Variants in FANCD2 observed in about 807,000 individuals in gnomAD.
The protein encoded by FANCD2 is FA complementation group D2.
FANCD2 carries 131 observed loss-of-function variants against 192.3 expected under a neutral mutation model. The ratio of observed to expected loss-of-function variants is 0.68; its 90% CI spans 0.59 to 0.79. The LOEUF is 0.79. Ranked by LOEUF, FANCD2 falls within the 30% of genes least tolerant of loss-of-function variation. The pLI, the probability that FANCD2 is intolerant of heterozygous loss-of-function variation, is 0.00. For synonymous variants in FANCD2, 524 were observed against 612.5 expected (o/e 0.86, Z 2.13); for missense variants, 1,508 against 1,701.6 (o/e 0.89, Z 2.00).
chr3:10,087,457 C>A lies in FANCD2; in HGVS notation c.3466+193C>A, dbSNP rs533880685. 7.3e-4 allele frequency among the ~76,000 whole-genome samples: 111 copies of A among 151,190 alleles called. 1 individual carries two copies. In the South Asian group the frequency reaches 0.018, roughly 25 times the overall value. ...CTGATTTCTGCTAAAATTGCTTAGTCTGAGTTTGGTTAGACAAGCTGAGTA... is the reference window on the plus strand; with the variant it reads ...CTGATTTCTGCTAAAATTGCTTAGTATGAGTTTGGTTAGACAAGCTGAGTA... On this transcript the variant is annotated intron_variant, in intron 34 of 43. Transcript: ENST00000675286.
At chr3:10,090,203 A>G in intron 36 of FANCD2, 89 bp from the exon 37 acceptor site, 1 of 893,472 alleles carries the variant, frequency 1.1e-6, no homozygotes, top group Non-Finnish European at 1.9e-6. Context: ...AGAGGTAGGG[A>G]AGGAAGCTAC....
chr3:10,081,538 T>G, intron 32 of FANCD2, 74 bp downstream of exon 32: 1 of 1,039,658 alleles, frequency 9.6e-7, no homozygotes, highest in Non-Finnish European at 1.5e-6. Flanking sequence ...GGCACTGAAA[T>G]GTAGAAAAGA....
intron 41 of FANCD2, 117 bp from the exon 42 acceptor site, chr3:10,096,209 C>G: frequency 1.0e-6 from 1 of 993,534 alleles, no homozygotes; most frequent in East Asian, 2.4e-5. Context: ...ATGGAACATA[C>G]CGTTGGCCCA....
At chr3:10,042,711 A>G in intron 11 of FANCD2, 48 bp downstream of exon 11, 1 of 1,425,168 alleles carries the variant, frequency 7.0e-7, no homozygotes, top group South Asian at 1.1e-5. Flanking sequence ...CTTAAGTGCC[A>G]ATTGCTCTTC....
intron 40 of FANCD2, 195 bp from the exon 41 acceptor site, chr3:10,095,005 G>C (rs1559408670): frequency 3.3e-6 from 2 of 612,118 alleles, no homozygotes; most frequent in Admixed American, 2.5e-5. Flanking sequence ...ATTGATACAA[G>C]GGACAGAAAT....
intron 26 of FANCD2, among the ~76,000 whole-genome samples, chr3:10,071,069 A>G (rs1279265218): frequency 2.1e-5 from 3 of 144,182 alleles, no homozygotes; most frequent in African/African-American, 2.6e-5. Context: ...TCCCTCCACT[A>G]TTGTCCTATG....
chr3:10,069,844 T>G (rs1693080956), intron 26 of FANCD2, among the ~76,000 whole-genome samples: 1 of 152,036 alleles, frequency 6.6e-6, no homozygotes, highest in Non-Finnish European at 1.5e-5. Context: ...TGCCTTGGCC[T>G]CCCAAAGTGC....
intron 32 of FANCD2, chr3:10,083,448 C>A (rs1320674087): frequency 6.6e-6 from 1 of 152,218 alleles, no homozygotes; most frequent in Non-Finnish European, 1.5e-5. Context: ...GGTGGAACAG[C>A]TGGAGCTCTC....
At chr3:10,077,328 A>C (rs1322124836) in intron 29 of FANCD2, among the ~76,000 whole-genome samples, 1 of 141,136 alleles carries the variant, frequency 7.1e-6, no homozygotes, top group African/African-American at 3.0e-5. Context: ...AGGCTGAGAC[A>C]GGCGTTATCA....
intron 29 of FANCD2, among the ~76,000 whole-genome samples, chr3:10,077,207 T>G (rs1559397055): frequency 6.6e-6 from 1 of 151,952 alleles, no homozygotes; most frequent in Non-Finnish European, 1.5e-5. Flanking sequence ...CACTCCAGCC[T>G]GAGCAACAGA....
At chr3:10,065,250 C>T (rs1201319535) in intron 23 of FANCD2, 144 bp from the exon 24 acceptor site, 4 of 692,762 alleles carry the variant, frequency 5.8e-6, no homozygotes, top group African/African-American at 3.5e-5. Context: ...GATCGTGCCA[C>T]TGCACTCCAG....
chr3:10,087,323 CACTT>C (rs1694277919), intron 34 of FANCD2, 59 bp downstream of exon 34: 1 of 1,491,058 alleles, frequency 6.7e-7, no homozygotes, highest in African/African-American at 1.5e-5. Flanking sequence ...TAATATCTCA[CACTT>C]ACAAACTTTG....
intron 18 of FANCD2, among the ~76,000 whole-genome samples, chr3:10,052,778 T>G (rs2087256860): frequency 6.6e-6 from 1 of 151,464 alleles, no homozygotes; most frequent in African/African-American, 2.4e-5. Flanking sequence ...CATGAAAAAG[T>G]GCTCATCATC....
chr3:10,045,101 T>TTTTTTTTTTTTC (rs397948524), intron 14 of FANCD2, among the ~76,000 whole-genome samples: 17 of 149,146 alleles, frequency 1.1e-4, no homozygotes, highest in African/African-American at 4.4e-4. Flanking sequence ...TTTTTTTTTT[T>TTTTTTTTTTTTC]CCTGGAAGCA....
intron 3 of FANCD2, among the ~76,000 whole-genome samples, chr3:10,033,698 C>CTTTTTTTTTTTTT (rs34115008): frequency 4.5e-5 from 4 of 89,372 alleles, no homozygotes; most frequent in South Asian, 4.6e-4. Context: ...AAAGCTAAGT[C>CTTTTTTTTTTTTT]TTTTTTTTTT....
intron 28 of FANCD2, 83 bp downstream of exon 28, chr3:10,073,445 CA>C: frequency 9.0e-7 from 1 of 1,112,616 alleles, no homozygotes; most frequent in Non-Finnish European, 1.4e-6. Flanking sequence ...CGGCATTTTA[CA>C]AAGAAAAAAA....
chr3:10,048,230 CTG>C (rs2087086828), intron 16 of FANCD2, among the ~76,000 whole-genome samples, 179 bp downstream of exon 16: 2 of 152,396 alleles, frequency 1.3e-5, no homozygotes, highest in South Asian at 2.1e-4. Context: ...GGCTCTAACT[CTG>C]TGTTCTGAGC....
At chr3:10,067,413 A>T in intron 26 of FANCD2, 96 bp downstream of exon 26, 2 of 754,678 alleles carry the variant, frequency 2.7e-6, no homozygotes, top group Admixed American at 4.2e-5. Context: ...ACAAAGACAC[A>T]TCAAAAAAAG....
rs1695304719 is a variant in FANCD2, at chr3:10,101,577, G to C, written c.*315G>C. ...ATTTTTGTATTTTTAGTAGATACGG[G>C]GTTTTACCATGTCGGCCAGATGGTC... On this transcript the variant is annotated 3_prime_UTR_variant, in exon 44 of 44. Transcript: ENST00000675286. 2.5e-6 allele frequency: 1 copy of C among 392,210 alleles called. No homozygotes were observed. The highest frequency in any genetic ancestry group is 2.6e-5 in the South Asian group (1 of 38,530). 24.3% of individuals were successfully genotyped at this position (392,210 alleles called of 1,614,324 possible). A position where few individuals can be genotyped will look rare whatever the true frequency, so the allele number is the denominator to read the frequency against.
Sources: allele counts gnomAD v4.1 joint callset (sites outside exome capture counted in the v4.1 genomes callset), GRCh38; gene constraint gnomAD v4.1.1; transcripts MANE v1.5; gene names NCBI Gene and HGNC (gene_info 2026-07-23, HGNC 2026-07-21).